ETNPPL: variants seen among roughly 807,000 people sequenced by gnomAD.
ETNPPL encodes the protein alanine--glyoxylate aminotransferase 2-like 1.
In ETNPPL, 30 loss-of-function variants were observed where a neutral mutation model predicts 55.5. The observed-to-expected ratio is 0.54, with a 90% CI of 0.40 to 0.73. ETNPPL has a LOEUF of 0.73. Among genes scored for constraint, ETNPPL ranks in the 30% least tolerant of loss-of-function variants. The pLI is 0.00. For missense variants in ETNPPL, 528 were observed against 607.9 expected (o/e 0.87, Z 1.38); for synonymous variants, 202 against 207.2 (o/e 0.98, Z 0.21).
intron 4 of ETNPPL, among the ~76,000 whole-genome samples, chr4:108,755,775 C>T (rs1004460829): frequency 6.6e-6 from 1 of 152,154 alleles, no homozygotes; most frequent in East Asian, 1.9e-4. Context: ...GAGTGGAGAT[C>T]GCGCCACTGC....
At chr4:108,752,765 G>A (rs1160892937) in intron 6 of ETNPPL, 130 bp downstream of exon 6, 1 of 649,744 alleles carries the variant, frequency 1.5e-6, no homozygotes, top group Non-Finnish European at 2.7e-6. Context: ...TGAATCAAGT[G>A]AAAACGTAAC....
chr4:108,746,611 T>A, intron 10 of ETNPPL, 82 bp from the exon 11 acceptor site: 1 of 1,523,794 alleles, frequency 6.6e-7, no homozygotes, highest in Non-Finnish European at 9.0e-7. Context: ...TAGAGCAGTT[T>A]AAGTATTCTG....
intron 10 of ETNPPL, 24 bp downstream of exon 10, chr4:108,746,738 C>T: frequency 6.2e-7 from 1 of 1,606,766 alleles, no homozygotes; most frequent in Non-Finnish European, 8.5e-7. Flanking sequence ...AGATACCAAA[C>T]AGGTGGGTGT....
At chr4:108,762,802 G>GC (rs1729580240) in intron 1 of ETNPPL, 41 bp downstream of exon 1, 2 of 1,606,162 alleles carry the variant, frequency 1.2e-6, no homozygotes, top group African/African-American at 1.3e-5. Flanking sequence ...ACTCGTTATT[G>GC]CCCCCTCTCT....
Position 108,749,367 on chromosome 4 carries a change from A to G in ETNPPL, c.798T>C (p.Gly266=). 1 of 1,614,060 alleles carries G rather than the reference A, an allele frequency of 6.2e-7. No individual in the cohort carries two copies. Among genetic ancestry groups the G allele is most frequent in the Admixed American group, 1.7e-5 (1 of 60,008 alleles). ...GKHFWSFQMY[G]EDFVPDIVTM... is the part of the protein sequence containing the mutation. ...TGACGATGTCTGGAACAAAGTCTTCACCATACATCTGGAAGCTCCAGAAAT... is the reference window on the plus strand; with the variant it reads ...TGACGATGTCTGGAACAAAGTCTTCGCCATACATCTGGAAGCTCCAGAAAT... Residue 266 remains glycine (G), a synonymous_variant, in exon 8 of 13, where the codon GGT becomes GGC. Coordinates refer to ENST00000296486, the MANE Select transcript of ETNPPL (RefSeq NM_031279.4).
Position 108,742,261 on chromosome 4 carries a change from C to A in ETNPPL, c.*223G>T. The A allele has an allele frequency of 2.7e-6, 1 of 371,828 alleles. No individual in the cohort carries two copies. The highest frequency in any genetic ancestry group is 5.9e-5 in the South Asian group (1 of 16,898). 23.0% of individuals were successfully genotyped at this position (371,828 alleles called of 1,614,324 possible). A position where few individuals can be genotyped will look rare whatever the true frequency, so the allele number is the denominator to read the frequency against. On this transcript the variant is annotated 3_prime_UTR_variant, in exon 13 of 13. Transcript: ENST00000296486. ...TTTAATAGAATAAATCAGGTAGCTT[C>A]AGAAATCAACTAAGAAAATTAACAG...
intron 3 of ETNPPL, among the ~76,000 whole-genome samples, chr4:108,759,443 G>A (rs1729400505): frequency 6.7e-6 from 1 of 148,332 alleles, no homozygotes; most frequent in South Asian, 2.2e-4. Flanking sequence ...TTGTTTACTA[G>A]AGTTATTTCT....
chr4:108,752,629 C>T (rs929404984), intron 6 of ETNPPL, among the ~76,000 whole-genome samples: 5 of 152,092 alleles, frequency 3.3e-5, no homozygotes, highest in African/African-American at 1.2e-4. Flanking sequence ...TAGACTAGAC[C>T]CTGCATACCA....
At chr4:108,747,639 A>T (rs1728670238) in intron 9 of ETNPPL, 1 of 166,012 alleles carries the variant, frequency 6.0e-6, no homozygotes, top group South Asian at 1.6e-4. Context: ...GGATTCTGGA[A>T]TAAGAATAAT....
chr4:108,755,374 C>T (rs1173442037), intron 4 of ETNPPL, among the ~76,000 whole-genome samples: 4 of 152,252 alleles, frequency 2.6e-5, no homozygotes, highest in African/African-American at 7.2e-5. Flanking sequence ...CCAGGAAATA[C>T]CATTCTGGAC....
At chr4:108,753,803 A>AGAAAGAAAGAAAGAAT (rs1390779985) in intron 5 of ETNPPL, among the ~76,000 whole-genome samples, 1 of 138,698 alleles carries the variant, frequency 7.2e-6, no homozygotes, top group Non-Finnish European at 1.6e-5. Context: ...AAAGAAAGAA[A>AGAAAGAAAGAAAGAAT]GAAAAGAGAA....
At chr4:108,759,224 G>C (rs552011018) in intron 3 of ETNPPL, among the ~76,000 whole-genome samples, 1 of 151,840 alleles carries the variant, frequency 6.6e-6, no homozygotes, top group Non-Finnish European at 1.5e-5. Flanking sequence ...AGCACTTTGG[G>C]AGGCTGAGGT....
Position 108,753,376 on chromosome 4 carries a change from C to T in ETNPPL, c.502-365G>A, listed in dbSNP as rs144290063. On this transcript the variant is annotated intron_variant, in intron 5 of 12. Coordinates refer to ENST00000296486, the MANE Select transcript of ETNPPL (RefSeq NM_031279.4). ...AACACCGATCAACTATATTGCAAAT[C>T]GTAATCATTCAGAAAACTAGAGTGT... Among the ~76,000 whole-genome samples the T allele has an allele frequency of 3.7e-4, 56 of 152,268 alleles. 2 individuals carry two copies. The highest frequency in any genetic ancestry group is 1.2e-3 in the African/African-American group (49 of 41,562).
intron 9 of ETNPPL, 56 bp downstream of exon 9, chr4:108,747,949 C>A: frequency 6.9e-7 from 1 of 1,452,146 alleles, no homozygotes. Flanking sequence ...AGCCTATAAA[C>A]TATTATTATT....
At chr4:108,744,563 C>G (rs1325413776) in intron 11 of ETNPPL, among the ~76,000 whole-genome samples, 1 of 151,962 alleles carries the variant, frequency 6.6e-6, no homozygotes, top group East Asian at 1.9e-4. Context: ...CTCTCTGAGT[C>G]CAAAGACAGT....
In ETNPPL at chr4:108,743,872, T is replaced by C. The variant is rs750170419; in HGVS notation, c.1304-16A>G. 96 of 1,567,462 alleles carry C rather than the reference T, an allele frequency of 6.1e-5. No individual in the cohort carries two copies. The South Asian group carries it at 1.0e-3, about 16-fold the overall frequency. On this transcript the variant is annotated splice_polypyrimidine_tract_variant and intron_variant, in intron 11 of 12. Coordinates refer to ENST00000296486, the MANE Select transcript of ETNPPL (RefSeq NM_031279.4). ...TCTTCTAAAACTGAATCAAGGAAGGTATTATGGAGAAGACAAAATAACATA... is the reference window on the plus strand; with the variant it reads ...TCTTCTAAAACTGAATCAAGGAAGGCATTATGGAGAAGACAAAATAACATA...
rs1310194771 is a variant in ETNPPL at position 108,753,792 on chromosome 4, G to A, written c.502-781C>T. Among the ~76,000 whole-genome samples, 134 of 102,058 alleles carry A rather than the reference G, an allele frequency of 1.3e-3. No homozygotes were observed. The South Asian group carries it at 0.014, about 10-fold the overall frequency. 67.0% of individuals were successfully genotyped at this position (102,058 alleles called of 152,430 possible). On this transcript the variant is annotated intron_variant, in intron 5 of 12. Coordinates refer to ENST00000296486, the MANE Select transcript of ETNPPL (RefSeq NM_031279.4). ...AGAAAGAAAGAAAGAAAGAAAGAAA[G>A]AAAGAAAGAAAGAAAAGAGAAGAAA...
chr4:108,743,956 G>A (rs952515440), intron 11 of ETNPPL, 100 bp from the exon 12 acceptor site: 47 of 772,740 alleles, frequency 6.1e-5, no homozygotes, highest in Admixed American at 2.3e-5. Context: ...AAGAATGGAA[G>A]GAAATGTTAT....
In ETNPPL at chr4:108,746,461, G is replaced by A. The variant is rs1326843803; in HGVS notation, c.1241C>T (p.Pro414Leu). Residue 414 changes from proline (P) to leucine (L), a missense_variant, in exon 11 of 13, where the codon CCT (proline) becomes CTT (leucine). Pro to Leu is a moderately conservative substitution (Grantham distance 98). Coordinates refer to ENST00000296486, the MANE Select transcript of ETNPPL (RefSeq NM_031279.4). ...TGCATCTTCTTCAGTGAAGCACATA[G>A]GTGGTTTTATTTTAAGTACATTTCT... ...PHRNVLKIKP[P>L]MCFTEEDAKF... The A allele has an allele frequency of 6.2e-7, 1 of 1,613,798 alleles. No individual in the cohort carries two copies. The highest frequency in any genetic ancestry group is 1.3e-5 in the African/African-American group (1 of 75,028).
Sources: gnomAD v4.1 joint callset for allele counts (sites outside exome capture counted in the v4.1 genomes callset) on GRCh38, gnomAD v4.1.1 for gene constraint, MANE v1.5 for transcripts, NCBI Gene and HGNC (gene_info 2026-07-23, HGNC 2026-07-21) for gene names.